Variants in MFGE8 observed in about 807,000 individuals in gnomAD.
MFGE8 encodes the protein milk fat globule EGF and factor V/VIII domain containing, also known as lactadherin.
Under a neutral mutation model 42.6 loss-of-function variants are expected in MFGE8, and 34 were observed. The ratio of observed to expected loss-of-function variants is 0.80; its 90% CI spans 0.61 to 1.06. The LOEUF (loss-of-function observed/expected upper bound fraction) is 1.06. Ranked by LOEUF, MFGE8 falls within the 50% of genes least tolerant of loss-of-function variation. The pLI, the probability that MFGE8 is intolerant of heterozygous loss-of-function variation, is 0.00. For synonymous variants in MFGE8, 230 were observed against 214.8 expected (o/e 1.07, Z -0.62); for missense variants, 510 against 516.9 (o/e 0.99, Z 0.13).
rs573579744 is a variant in MFGE8, at chr15:88,908,493, G to A, written c.206-1117C>T. Among the ~76,000 whole-genome samples the A allele has an allele frequency of 3.1e-4, 47 of 152,292 alleles. 1 individual carries two copies. The highest frequency in any genetic ancestry group is 1.0e-3 in the African/African-American group (42 of 41,560). ...TGTTGGCTCCAAGGAAACATACCAC[G>A]TAAAAGGCAAGGAAGAGCTGCGAAG... is the stretch of plus-strand genomic sequence containing the variant. On this transcript the variant is annotated intron_variant, in intron 2 of 7. Transcript: ENST00000268150.
intron 1 of MFGE8, 100 bp from the exon 2 acceptor site, chr15:88,910,023 C>G: frequency 1.4e-6 from 2 of 1,438,274 alleles, no homozygotes; most frequent in South Asian, 2.3e-5. Context: ...ACCCTCCACT[C>G]AAACTCGCCC....
rs930746003 is a variant in MFGE8, at chr15:88,906,395, T to C, written c.540+231A>G. 1.8e-6 allele frequency: 1 copy of C among 555,678 alleles called. No individual in the cohort carries two copies. The highest frequency in any genetic ancestry group is 3.3e-6 in the Non-Finnish European group (1 of 305,496). 34.4% of individuals were successfully genotyped at this position (555,678 alleles called of 1,614,324 possible). A position where few individuals can be genotyped will look rare whatever the true frequency, so the allele number is the denominator to read the frequency against. On this transcript the variant is annotated intron_variant, in intron 4 of 7. Coordinates refer to ENST00000268150, the MANE Select transcript of MFGE8 (RefSeq NM_005928.4). This position sits in a 1 kb window ranked among gnomAD's most constrained non-coding sequence, Gnocchi z 4.2. The stretch of plus-strand genomic sequence containing the variant: ...CACTATCACCCTCAACAGGTCACTG[T>C]GCCATTTTGAATCTCACTAGTCTCA...
Position 88,907,712 on chromosome 15 carries a change from C to CA in MFGE8, c.206-337_206-336insT, listed in dbSNP as rs973939844. On this transcript the variant is annotated intron_variant, in intron 2 of 7. Coordinates refer to ENST00000268150, the MANE Select transcript of MFGE8 (RefSeq NM_005928.4). ...GCACTCATGGAAAGTAGAGTCCCCC[C>CA]CGCCAGGCTGTGGGAGGTGGCCTCG... 6.0e-5 allele frequency among the ~76,000 whole-genome samples: 9 copies of CA among 151,148 alleles called. No homozygotes were observed. In the South Asian group the frequency reaches 8.6e-4, roughly 14 times the overall value.
At chr15:88,909,984 G>A in intron 1 of MFGE8, 61 bp from the exon 2 acceptor site, 2 of 1,605,960 alleles carry the variant, frequency 1.2e-6, no homozygotes, top group Non-Finnish European at 1.7e-6. Context: ...ACACAGGTGA[G>A]AAGTAGCAGA....
chr15:88,908,411 C>G (rs1469513847), intron 2 of MFGE8, among the ~76,000 whole-genome samples: 1 of 152,220 alleles, frequency 6.6e-6, no homozygotes, highest in East Asian at 1.9e-4. Flanking sequence ...CCCCATACCC[C>G]ACCACGCTCA....
At position 88,905,599 on chromosome 15, in the gene MFGE8, C is replaced by T; in HGVS notation, c.685+158G>A. On this transcript the variant is annotated intron_variant, in intron 5 of 7. Coordinates refer to ENST00000268150, the MANE Select transcript of MFGE8 (RefSeq NM_005928.4). This position sits in a 1 kb window ranked among gnomAD's most constrained non-coding sequence, Gnocchi z 6.6. Reference sequence around the variant, plus strand: ...AACACCTGGGTGGGGCTGCTATGGCCAGGTGACCCCCTAGAGTGCGTTGCC... The same window carrying T: ...AACACCTGGGTGGGGCTGCTATGGCTAGGTGACCCCCTAGAGTGCGTTGCC... 1 of 947,654 alleles carries T rather than the reference C, an allele frequency of 1.1e-6. No individual in the cohort carries two copies. The highest frequency in any genetic ancestry group is 1.6e-6 in the Non-Finnish European group (1 of 607,006). The allele number at this position is 947,654 out of a possible 1,614,324, so 58.7% of individuals were successfully genotyped here.
rs1339133168 is a variant in MFGE8 at position 88,906,030 on chromosome 15, G to C, written c.541-129C>G. 12 of 1,090,786 alleles carry C rather than the reference G, an allele frequency of 1.1e-5. No homozygotes were observed. The highest frequency in any genetic ancestry group is 1.4e-5 in the Non-Finnish European group (10 of 727,170). 67.6% of individuals were successfully genotyped at this position (1,090,786 alleles called of 1,614,324 possible). On this transcript the variant is annotated intron_variant, in intron 4 of 7. Coordinates refer to ENST00000268150, the MANE Select transcript of MFGE8 (RefSeq NM_005928.4). This position sits in a 1 kb window ranked among gnomAD's most constrained non-coding sequence, Gnocchi z 4.2. ...CTGGGAGGGTGAAGAGGACTTGGAA[G>C]AGCCAGCAGAGGCTCACACAGCAGC...
intron 1 of MFGE8, chr15:88,910,769 T>C (rs1291117083): frequency 6.6e-6 from 1 of 152,462 alleles, no homozygotes; most frequent in Non-Finnish European, 1.5e-5. Context: ...CACAGTTAGA[T>C]GCAGCTGGAA....
At chr15:88,907,463 TATG>T in intron 2 of MFGE8, 87 bp from the exon 3 acceptor site, 1 of 1,234,272 alleles carries the variant, frequency 8.1e-7, no homozygotes, top group Non-Finnish European at 1.2e-6. Context: ...AATAAGACTG[TATG>T]ACCTCTGCCT....
Position 88,906,850 on chromosome 15 carries a change from T to C in MFGE8, c.388-72A>G, listed in dbSNP as rs1244552702. 1.1e-5 allele frequency: 17 copies of C among 1,578,264 alleles called. No homozygotes were observed. The highest frequency in any genetic ancestry group is 1.5e-5 in the Non-Finnish European group (17 of 1,150,832). On this transcript the variant is annotated intron_variant, in intron 3 of 7. Transcript: ENST00000268150. This position sits in a 1 kb window ranked among gnomAD's most constrained non-coding sequence, Gnocchi z 4.2. ...TCCACTCAAGATCCAAGCAGACCCA[T>C]CCCTTCACTCCCCCACTGGGTGGGG...
rs1280748466 is a variant in MFGE8 at position 88,903,205 on chromosome 15, A to G, written c.686-1470T>C. ...ACCCCTCTACAGATCATCTGCTTCT[A>G]GTGGTTCATACCCTCCTCACTCTCA... On this transcript the variant is annotated intron_variant, in intron 5 of 7. Transcript: ENST00000268150. This position sits in a 1 kb window ranked among gnomAD's most constrained non-coding sequence, Gnocchi z 4.9. The G allele has an allele frequency of 6.6e-6, 1 of 152,230 alleles. No individual in the cohort carries two copies. The highest frequency in any genetic ancestry group is 1.9e-4 in the East Asian group (1 of 5,186). The allele number at this position is 152,230 out of a possible 1,614,324, so 9.4% of individuals were successfully genotyped here.
intron 1 of MFGE8, 23 bp from the exon 2 acceptor site, chr15:88,909,946 T>C (rs1420040248): frequency 6.2e-7 from 1 of 1,613,636 alleles, no homozygotes; most frequent in Non-Finnish European, 8.5e-7. Flanking sequence ...ACAGGTAAGA[T>C]GAGCAGATGA....
chr15:88,913,340 G>A lies in MFGE8; in HGVS notation c.-21C>T. 3 of 1,425,436 alleles carry A rather than the reference G, an allele frequency of 2.1e-6. No homozygotes were observed. Among genetic ancestry groups the A allele is most frequent in the Non-Finnish European group, 1.8e-6 (2 of 1,100,362 alleles). 88.3% of individuals were successfully genotyped at this position (1,425,436 alleles called of 1,614,324 possible). A position where few individuals can be genotyped will look rare whatever the true frequency, so the allele number is the denominator to read the frequency against. Reference sequence around the variant, plus strand: ...GGCATGCTGCGGGGACGCGGGCGCTGGAATGGGCACGCTGGGCTGCTCAGA... The same window carrying A: ...GGCATGCTGCGGGGACGCGGGCGCTAGAATGGGCACGCTGGGCTGCTCAGA... On this transcript the variant is annotated 5_prime_UTR_variant, in exon 1 of 8. Coordinates refer to ENST00000268150, the MANE Select transcript of MFGE8 (RefSeq NM_005928.4).
At position 88,899,315 on chromosome 15, in the gene MFGE8, A is replaced by G. The variant is rs923702509; in HGVS notation, c.*80T>C. 3.8e-6 allele frequency: 6 copies of G among 1,581,710 alleles called. No individual in the cohort carries two copies. The South Asian group carries it at 4.4e-5, about 12-fold the overall frequency. ...CTCCCCTTCCCCAGTCCCCAGCCCT[A>G]TGGTGATTTAAAGGGGCTGAGAAGC... On this transcript the variant is annotated 3_prime_UTR_variant, in exon 8 of 8. Transcript: ENST00000268150. This position sits in a 1 kb window ranked among gnomAD's most constrained non-coding sequence, Gnocchi z 6.8.
At position 88,899,554 on chromosome 15, in the gene MFGE8, G is replaced by C. The variant is rs1898262582; in HGVS notation, c.1027-22C>G. The C allele has an allele frequency of 6.2e-7, 1 of 1,614,038 alleles. No individual in the cohort carries two copies. The highest frequency in any genetic ancestry group is 1.3e-5 in the African/African-American group (1 of 74,910). ...AGATCTAGAGGCAGAGCGGGTGTCA[G>C]GAGGACCCCGAGCCAGCCCCCCTCC... On this transcript the variant is annotated intron_variant, in intron 7 of 7. Coordinates refer to ENST00000268150, the MANE Select transcript of MFGE8 (RefSeq NM_005928.4). The surrounding 1 kb of genome is among the most constrained non-coding windows in gnomAD (Gnocchi z 6.8).
At chr15:88,901,049 A>ACACATACACATT (rs550712972) in intron 6 of MFGE8, among the ~76,000 whole-genome samples, 2 of 149,610 alleles carry the variant, frequency 1.3e-5, no homozygotes, top group African/African-American at 5.0e-5. Context: ...ACACACATTC[A>ACACATACACATT]CACATACACA....
intron 2 of MFGE8, among the ~76,000 whole-genome samples, 196 bp from the exon 3 acceptor site, chr15:88,907,572 G>C (rs1898751635): frequency 6.6e-6 from 1 of 152,184 alleles, no homozygotes; most frequent in African/African-American, 2.4e-5. Flanking sequence ...GCCAAGAAAA[G>C]GTATGTGGCC....
Position 88,907,250 on chromosome 15 carries a change from G to C in MFGE8, c.332C>G (p.Ala111Gly). 6.2e-7 allele frequency: 1 copy of C among 1,614,170 alleles called. No homozygotes were observed. The highest frequency in any genetic ancestry group is 8.5e-7 in the Non-Finnish European group (1 of 1,180,038). Residue 111 changes from alanine (A) to glycine (G), a missense_variant, in exon 3 of 8, where the codon GCA becomes GGA. Ala to Gly is a moderately conservative substitution (Grantham distance 60, BLOSUM62 0). Coordinates refer to ENST00000268150, the MANE Select transcript of MFGE8 (RefSeq NM_005928.4). ...WVPELARLNR[A>G]GMVNAWTPSS... ...GGGTGTCCAGGCATTGACCATGCCT[G>C]CGCGGTTCAGGCGGGCCAGCTCCGG...
intron 6 of MFGE8, among the ~76,000 whole-genome samples, chr15:88,901,195 T>TCTCA: frequency 1.6e-5 from 1 of 61,678 alleles, no homozygotes; most frequent in Non-Finnish European, 3.5e-5. Context: ...ACACACACAT[T>TCTCA]CACACATTCA....
Sources: allele counts gnomAD v4.1 joint callset (sites outside exome capture counted in the v4.1 genomes callset), GRCh38; gene constraint gnomAD v4.1.1; non-coding constraint Gnocchi (gnomAD v3.1); transcripts MANE v1.5; gene names NCBI Gene and HGNC (gene_info 2026-07-23, HGNC 2026-07-21).